The following PTK7 variants were observed in gnomAD, a reference collection of about 807,000 sequenced individuals.
The protein encoded by PTK7 is inactive tyrosine-protein kinase 7.
PTK7 carries 39 observed loss-of-function variants against 116.6 expected under a neutral mutation model. That is an observed-to-expected ratio of 0.33 (90% CI 0.26 to 0.44). The LOEUF (loss-of-function observed/expected upper bound fraction) is 0.44, where lower values mean the gene tolerates loss of function less well. PTK7 is among the 20% of genes least tolerant of loss of function. The pLI is 1.00. For synonymous variants in PTK7, 546 were observed against 563.6 expected (o/e 0.97, Z 0.44); for missense variants, 1,169 against 1,425.6 (o/e 0.82, Z 2.90).
chr6:43,088,553 G>A (rs1238416502), intron 1 of PTK7, among the ~76,000 whole-genome samples: 1 of 152,046 alleles, frequency 6.6e-6, no homozygotes, highest in Non-Finnish European at 1.5e-5. Context: ...TAAGCCAGCT[G>A]TGGTGGTGCA....
chr6:43,103,980 A>G (rs1049410719), intron 1 of PTK7, among the ~76,000 whole-genome samples: 2 of 152,230 alleles, frequency 1.3e-5, no homozygotes, highest in African/African-American at 4.8e-5. Context: ...ATGTGCAAAC[A>G]CTTTTTCTTC....
chr6:43,126,369 A>G (rs972627715), intron 1 of PTK7, among the ~76,000 whole-genome samples: 1 of 152,164 alleles, frequency 6.6e-6, no homozygotes, highest in South Asian at 2.1e-4. Flanking sequence ...ACATTTGCAG[A>G]GGCCCACTGG....
chr6:43,092,270 C>T (rs1766994890), intron 1 of PTK7, among the ~76,000 whole-genome samples: 1 of 152,038 alleles, frequency 6.6e-6, no homozygotes, highest in Admixed American at 6.6e-5. Context: ...ACCTCCTGGG[C>T]TCAAGTGATC....
In PTK7 at chr6:43,116,649, TGTGCGC is replaced by T. The variant is rs1305682003; in HGVS notation, c.80-12326_80-12321del. 7.2e-3 allele frequency among the ~76,000 whole-genome samples: 530 copies of T among 73,552 alleles called. 3 individuals carry two copies. Among genetic ancestry groups the T allele is most frequent in the Admixed American group, 0.016 (134 of 8,612 alleles). 48.3% of individuals were successfully genotyped at this position (73,552 alleles called of 152,430 possible). Reference sequence around the variant, plus strand: ...GTGTGTGTGTGTGTGTGTGTGTGTGTGTGCGCGCGCACGCACGCACGCATATGGATA... The same window carrying T: ...GTGTGTGTGTGTGTGTGTGTGTGTGTGCGCACGCACGCACGCATATGGATA... On this transcript the variant is annotated intron_variant, in intron 1 of 19. Transcript: ENST00000230419.
At position 43,157,345 on chromosome 6, in the gene PTK7, TATATATATATA is replaced by T. The variant is rs1310028932; in HGVS notation, c.2722-1471_2722-1461del. On this transcript the variant is annotated intron_variant, in intron 17 of 19. Transcript: ENST00000230419. ...CACACGCTATATATATATATATATA[TATATATATATA>T]TATATATATTTTTTTTTTTCTTTTT... 6.4e-4 allele frequency among the ~76,000 whole-genome samples: 20 copies of T among 31,080 alleles called. 1 individual carries two copies. The highest frequency in any genetic ancestry group is 1.7e-3 in the Admixed American group (4 of 2,424). 20.4% of individuals were successfully genotyped at this position (31,080 alleles called of 152,430 possible).
chr6:43,117,428 G>C (rs1007231952), intron 1 of PTK7, among the ~76,000 whole-genome samples: 2 of 152,222 alleles, frequency 1.3e-5, no homozygotes, highest in Non-Finnish European at 2.9e-5. Context: ...ATTGGTTGTG[G>C]AGGGAATGTG....
At chr6:43,110,345 ATTGTC>A (rs932525785) in intron 1 of PTK7, among the ~76,000 whole-genome samples, 36 of 149,312 alleles carry the variant, frequency 2.4e-4, no homozygotes, top group African/African-American at 8.1e-4. Context: ...AACTCTTCAT[ATTGTC>A]TTGACCATGT....
intron 1 of PTK7, among the ~76,000 whole-genome samples, chr6:43,115,551 G>T (rs1391994581): frequency 3.9e-5 from 6 of 152,002 alleles, no homozygotes; most frequent in Non-Finnish European, 5.9e-5. Context: ...TGTTCCCCTT[G>T]TCTCCGGTGC....
intron 1 of PTK7, among the ~76,000 whole-genome samples, chr6:43,102,855 C>T (rs1582094529): frequency 6.6e-6 from 1 of 151,802 alleles, no homozygotes; most frequent in Non-Finnish European, 1.5e-5. Context: ...AGCCAGGTGG[C>T]GTGTACCCAT....
chr6:43,160,976 T>A lies in PTK7; in HGVS notation c.*95T>A, dbSNP rs45454097. On this transcript the variant is annotated 3_prime_UTR_variant, in exon 20 of 20. Transcript: ENST00000230419. ...GCAAGATCCCTGTCCTCCTGGGCCC[T>A]GAGGCCCCTGCCCTAGTGCAACAGG... 1.2e-5 allele frequency: 17 copies of A among 1,461,886 alleles called. No individual in the cohort carries two copies. In the South Asian group the frequency reaches 2.0e-4, roughly 17 times the overall value. The allele number at this position is 1,461,886 out of a possible 1,614,324, so 90.6% of individuals were successfully genotyped here.
chr6:43,131,949 C>T lies in PTK7; in HGVS notation c.813-67C>T, dbSNP rs1769706383. On this transcript the variant is annotated intron_variant, in intron 5 of 19. Coordinates refer to ENST00000230419, the MANE Select transcript of PTK7 (RefSeq NM_002821.5). ...TTCCGACTTTGCAGGAAAGGGGTTC[C>T]CTTGCATTCCTTTCCAGAACTAGGC... The T allele has an allele frequency of 3.1e-6, 5 of 1,599,052 alleles. No individual in the cohort carries two copies. In the Admixed American group the frequency reaches 8.3e-5, roughly 27 times the overall value.
At chr6:43,118,682 T>TGC (rs1768748185) in intron 1 of PTK7, among the ~76,000 whole-genome samples, 2 of 118,334 alleles carry the variant, frequency 1.7e-5, no homozygotes, top group African/African-American at 7.5e-5. Context: ...TATATATATA[T>TGC]ATATATGTAT....
chr6:43,100,013 A>G (rs932296356), intron 1 of PTK7, among the ~76,000 whole-genome samples: 19 of 152,052 alleles, frequency 1.2e-4, no homozygotes, highest in African/African-American at 4.1e-4. Flanking sequence ...ACGCTTGGCT[A>G]GTTTTTTGTA....
intron 1 of PTK7, among the ~76,000 whole-genome samples, chr6:43,118,436 T>C (rs371536696): frequency 6.6e-6 from 1 of 151,640 alleles, no homozygotes; most frequent in East Asian, 1.9e-4. Flanking sequence ...ACTTGGGGGC[T>C]GAGGCGGCAG....
chr6:43,103,163 T>TA, intron 1 of PTK7, among the ~76,000 whole-genome samples: 1 of 152,158 alleles, frequency 6.6e-6, no homozygotes. Flanking sequence ...ACAGAATCAA[T>TA]AAAAATAAAA....
intron 1 of PTK7, among the ~76,000 whole-genome samples, chr6:43,128,102 G>T: frequency 6.6e-6 from 1 of 152,176 alleles, no homozygotes; most frequent in Non-Finnish European, 1.5e-5. Context: ...CCCATCTGTG[G>T]CCACCTCTGA....
intron 1 of PTK7, among the ~76,000 whole-genome samples, chr6:43,080,428 C>A (rs1179778080): frequency 6.6e-6 from 1 of 152,122 alleles, no homozygotes; most frequent in Non-Finnish European, 1.5e-5. Flanking sequence ...CTGTTGTATT[C>A]TTTAATTTGT....
chr6:43,114,338 TTGTC>T (rs1363185842), intron 1 of PTK7, among the ~76,000 whole-genome samples: 1 of 152,074 alleles, frequency 6.6e-6, no homozygotes, highest in Non-Finnish European at 1.5e-5. Context: ...GGGTCTCACA[TTGTC>T]TGTCTGTCTG....
At chr6:43,159,543 T>C in intron 18 of PTK7, 1 of 565,600 alleles carries the variant, frequency 1.8e-6, no homozygotes. Flanking sequence ...AACTTTTCTG[T>C]TAACATTTAG....
Sources: gnomAD v4.1 joint callset for allele counts (sites outside exome capture counted in the v4.1 genomes callset) on GRCh38, gnomAD v4.1.1 for gene constraint, MANE v1.5 for transcripts, NCBI Gene and HGNC (gene_info 2026-07-23, HGNC 2026-07-21) for gene names.